The following TPCN1 variants were observed in gnomAD, a reference collection of about 807,000 sequenced individuals.
TPCN1 encodes the protein two pore segment channel 1.
TPCN1 carries 52 observed loss-of-function variants against 108.8 expected under a neutral mutation model. The ratio of observed to expected loss-of-function variants is 0.48; its 90% CI spans 0.38 to 0.60. TPCN1 has a LOEUF of 0.60. Ranked by LOEUF, TPCN1 falls within the 20% of genes least tolerant of loss-of-function variation. The probability of loss-of-function intolerance (pLI) is 0.00; values close to 1 mark genes in which losing one functional copy is unlikely to be tolerated. For missense variants in TPCN1, 806 were observed against 1,072.8 expected, an observed-to-expected ratio of 0.75 and a Z score of 3.47; for synonymous variants, 446 against 433.7, an observed-to-expected ratio of 1.03 and a Z score of -0.35.
At position 113,272,651 on chromosome 12, in the gene TPCN1, C is replaced by G. The variant is rs1478693291; in HGVS notation, c.749-7C>G. ...CCTTTTGTTTATCTGTTTCCACCCA[C>G]TTCTAGGTTTCTACTTGTTCTCCCC... On this transcript the variant is annotated splice_region_variant and splice_polypyrimidine_tract_variant and intron_variant, in intron 7 of 27. Coordinates refer to ENST00000335509, the MANE Select transcript of TPCN1 (RefSeq NM_017901.6). This position sits in a 1 kb window ranked among gnomAD's most constrained non-coding sequence, Gnocchi z 4.1. The G allele has an allele frequency of 6.2e-7, 1 of 1,613,758 alleles. No homozygotes were observed. Among genetic ancestry groups the G allele is most frequent in the Non-Finnish European group, 8.5e-7 (1 of 1,179,584 alleles).
At chr12:113,224,092 G>C (rs1953377218) in intron 1 of TPCN1, among the ~76,000 whole-genome samples, 1 of 152,180 alleles carries the variant, frequency 6.6e-6, no homozygotes, top group African/African-American at 2.4e-5. Flanking sequence ...AGTATATATT[G>C]ATGATTGAAG....
At chr12:113,270,972 A>C (rs935836506) in intron 7 of TPCN1, among the ~76,000 whole-genome samples, 2 of 152,162 alleles carry the variant, frequency 1.3e-5, no homozygotes, top group Admixed American at 1.3e-4. Flanking sequence ...AGATTTTAAA[A>C]ATACGCCAGG....
In TPCN1 at chr12:113,267,806, G is replaced by T. The variant is rs757255763; in HGVS notation, c.415-37G>T. 2.1e-6 allele frequency: 3 copies of T among 1,460,872 alleles called. No individual in the cohort carries two copies. In the South Asian group the frequency reaches 3.4e-5, roughly 17 times the overall value. 90.5% of individuals were successfully genotyped at this position (1,460,872 alleles called of 1,614,324 possible). A position where few individuals can be genotyped will look rare whatever the true frequency, so the allele number is the denominator to read the frequency against. On this transcript the variant is annotated intron_variant, in intron 4 of 27. Transcript: ENST00000335509. ...GCAAAGAGGAGTGGCCATGGGCTGG[G>T]CTGGCCATGACACATCTCCACACCC...
chr12:113,232,451 G>A lies in TPCN1; in HGVS notation c.112+5487G>A, dbSNP rs541393795. Reference sequence around the variant, plus strand: ...CCAGGAGGAGTTGGGAGAGATCCTCGCCGGCTGGCACCAGAGAAGAATACA... The same window carrying A: ...CCAGGAGGAGTTGGGAGAGATCCTCACCGGCTGGCACCAGAGAAGAATACA... On this transcript the variant is annotated intron_variant, in intron 2 of 27. Transcript: ENST00000335509. The surrounding 1 kb of genome is among the most constrained non-coding windows in gnomAD (Gnocchi z 5.6). Among the ~76,000 whole-genome samples the A allele has an allele frequency of 8.5e-4, 130 of 152,370 alleles. 1 individual carries two copies. Among genetic ancestry groups the A allele is most frequent in the African/African-American group, 3.0e-3 (125 of 41,584 alleles).
At chr12:113,280,523 G>T (rs1400224830) in intron 15 of TPCN1, among the ~76,000 whole-genome samples, 3 of 152,140 alleles carry the variant, frequency 2.0e-5, no homozygotes, top group Non-Finnish European at 2.9e-5. Flanking sequence ...AGGTGAGGAA[G>T]CAGGATTTGG....
chr12:113,272,749 C>T lies in TPCN1; in HGVS notation c.783+57C>T. 6.4e-7 allele frequency: 1 copy of T among 1,559,428 alleles called. No homozygotes were observed. Among genetic ancestry groups the T allele is most frequent in the African/African-American group, 1.4e-5 (1 of 73,852 alleles). On this transcript the variant is annotated intron_variant, in intron 8 of 27. Transcript: ENST00000335509. This position sits in a 1 kb window ranked among gnomAD's most constrained non-coding sequence, Gnocchi z 4.1. ...TTTTATGGAGGGCTTTTCCCTCAGA[C>T]AGGGTCACCGGCGTGACCCTGTGGC...
chr12:113,269,890 T>TCACG lies in TPCN1; in HGVS notation c.748+46_748+49dup, dbSNP rs759713440. 295 of 1,595,026 alleles carry TCACG rather than the reference T, an allele frequency of 1.8e-4. No individual in the cohort carries two copies. Among genetic ancestry groups the TCACG allele is most frequent in the Non-Finnish European group, 2.4e-4 (274 of 1,164,142 alleles). On this transcript the variant is annotated intron_variant, in intron 7 of 27. Coordinates refer to ENST00000335509, the MANE Select transcript of TPCN1 (RefSeq NM_017901.6). The surrounding 1 kb of genome is among the most constrained non-coding windows in gnomAD (Gnocchi z 5.0). Reference sequence around the variant, plus strand: ...GCCCAGGTGCGCTGGAAAAGCAAGTTCACGGTGGATGAAAAATTATTTTGG... The same window carrying TCACG: ...GCCCAGGTGCGCTGGAAAAGCAAGTTCACGCACGGTGGATGAAAAATTATTTTGG...
chr12:113,255,741 G>T (rs899637123), intron 2 of TPCN1, among the ~76,000 whole-genome samples: 3 of 150,118 alleles, frequency 2.0e-5, no homozygotes, highest in African/African-American at 7.4e-5. Flanking sequence ...TGTTGCCCAG[G>T]GTGGTCTCGA....
At chr12:113,274,871 G>A (rs1472062656) in intron 10 of TPCN1, among the ~76,000 whole-genome samples, 1 of 152,190 alleles carries the variant, frequency 6.6e-6, no homozygotes, top group East Asian at 1.9e-4. Context: ...TTGCACTCAC[G>A]TGCCAGAAAT....
chr12:113,237,553 T>G (rs558343261), intron 2 of TPCN1, among the ~76,000 whole-genome samples: 1 of 152,216 alleles, frequency 6.6e-6, no homozygotes, highest in South Asian at 2.1e-4. Flanking sequence ...GAGACGGGGT[T>G]TCACCACATT....
In TPCN1 at chr12:113,288,350, G is replaced by A. The variant is rs560495598; in HGVS notation, c.1706+116G>A. 7 of 1,529,510 alleles carry A rather than the reference G, an allele frequency of 4.6e-6. No individual in the cohort carries two copies. The South Asian group carries it at 7.2e-5, about 16-fold the overall frequency. The allele number at this position is 1,529,510 out of a possible 1,614,324, so 94.7% of individuals were successfully genotyped here. A position where few individuals can be genotyped will look rare whatever the true frequency, so the allele number is the denominator to read the frequency against. On this transcript the variant is annotated intron_variant, in intron 20 of 27. Transcript: ENST00000335509. This position sits in a 1 kb window ranked among gnomAD's most constrained non-coding sequence, Gnocchi z 4.8. ...GAGTTCCACAAAGGACTGCAATCGA[G>A]GGCCTGACGGGGCTCCAAGGAGCCT...
rs751940186 is a variant in TPCN1 at position 113,284,677 on chromosome 12, C to T, written c.1399+40C>T. On this transcript the variant is annotated intron_variant, in intron 16 of 27. Transcript: ENST00000335509. The surrounding 1 kb of genome is among the most constrained non-coding windows in gnomAD (Gnocchi z 4.1). Reference sequence around the variant, plus strand: ...GGGACTGGCCGTGTCCTGGCCGGCACACCTGGCTTACCTGTGAGCTGCTAC... The same window carrying T: ...GGGACTGGCCGTGTCCTGGCCGGCATACCTGGCTTACCTGTGAGCTGCTAC... The T allele has an allele frequency of 3.7e-6, 6 of 1,614,218 alleles. No homozygotes were observed. Among genetic ancestry groups the T allele is most frequent in the Non-Finnish European group, 5.1e-6 (6 of 1,180,030 alleles).
chr12:113,245,610 A>AG (rs1379559791), intron 2 of TPCN1, among the ~76,000 whole-genome samples: 1 of 151,088 alleles, frequency 6.6e-6, no homozygotes, highest in Non-Finnish European at 1.5e-5. Flanking sequence ...CAAAAAAAAA[A>AG]AAAAAAAAAA....
rs376875894 is a variant in TPCN1, at chr12:113,266,148, C to T, written c.238-32C>T. On this transcript the variant is annotated intron_variant, in intron 3 of 27. Coordinates refer to ENST00000335509, the MANE Select transcript of TPCN1 (RefSeq NM_017901.6). The surrounding 1 kb of genome is among the most constrained non-coding windows in gnomAD (Gnocchi z 4.2). ...CTTTGGCGTTGGATGGGTCTCCAGGCTTACATGCCCACACTACTCTCATCT... is the reference window on the plus strand; with the variant it reads ...CTTTGGCGTTGGATGGGTCTCCAGGTTTACATGCCCACACTACTCTCATCT... 3 of 1,610,510 alleles carry T rather than the reference C, an allele frequency of 1.9e-6. No homozygotes were observed. The African/African-American group carries it at 4.0e-5, about 22-fold the overall frequency.
chr12:113,293,901 G>C (rs1038739467), intron 27 of TPCN1, among the ~76,000 whole-genome samples: 1 of 152,110 alleles, frequency 6.6e-6, no homozygotes, highest in Non-Finnish European at 1.5e-5. Context: ...GCAGCAGCAC[G>C]ATCTAGGCTC....
rs556180138 is a variant in TPCN1, at chr12:113,241,763, T to C, written c.112+14799T>C. Among the ~76,000 whole-genome samples the C allele has an allele frequency of 3.8e-3, 504 of 132,072 alleles. 4 individuals carry two copies. Among genetic ancestry groups the C allele is most frequent in the Non-Finnish European group, 3.8e-3 (240 of 62,658 alleles). 86.6% of individuals were successfully genotyped at this position (132,072 alleles called of 152,430 possible). A position where few individuals can be genotyped will look rare whatever the true frequency, so the allele number is the denominator to read the frequency against. The stretch of plus-strand genomic sequence containing the variant: ...ACAGTGGCGTTTGCGTGCCTCTGCG[T>C]GTGTGTGTGTGTGTGTGTGTGTGTG... On this transcript the variant is annotated intron_variant, in intron 2 of 27. Coordinates refer to ENST00000335509, the MANE Select transcript of TPCN1 (RefSeq NM_017901.6).
In TPCN1 at chr12:113,288,029, G is replaced by A; in HGVS notation, c.1635-134G>A. ...CTCAGGGTTGGTGGCGCCCAAGGGAGTGGACGCAGGTGGAGGAGAGGCCCT... is the reference window on the plus strand; with the variant it reads ...CTCAGGGTTGGTGGCGCCCAAGGGAATGGACGCAGGTGGAGGAGAGGCCCT... On this transcript the variant is annotated intron_variant, in intron 19 of 27. Transcript: ENST00000335509. The surrounding 1 kb of genome is among the most constrained non-coding windows in gnomAD (Gnocchi z 4.8). The A allele has an allele frequency of 1.2e-6, 1 of 819,104 alleles. No individual in the cohort carries two copies. Among genetic ancestry groups the A allele is most frequent in the Non-Finnish European group, 1.9e-6 (1 of 518,042 alleles). 50.7% of individuals were successfully genotyped at this position (819,104 alleles called of 1,614,324 possible).
intron 23 of TPCN1, 108 bp from the exon 24 acceptor site, chr12:113,291,500 AC>A: frequency 1.1e-6 from 1 of 924,296 alleles, no homozygotes; most frequent in South Asian, 1.5e-5. Flanking sequence ...ACAACCAGCC[AC>A]AAATCACGGT....
intron 19 of TPCN1, among the ~76,000 whole-genome samples, chr12:113,287,820 C>G (rs1236121435): frequency 6.6e-6 from 1 of 152,234 alleles, no homozygotes; most frequent in African/African-American, 2.4e-5. Flanking sequence ...GCCCCCGCTC[C>G]CCGGGGCACA....
Sources: allele counts gnomAD v4.1 joint callset (sites outside exome capture counted in the v4.1 genomes callset), GRCh38; gene constraint gnomAD v4.1.1; non-coding constraint Gnocchi (gnomAD v3.1); transcripts MANE v1.5; gene names NCBI Gene and HGNC (gene_info 2026-07-23, HGNC 2026-07-21).